CSMD1: variants seen among roughly 807,000 people sequenced by gnomAD.
CSMD1 encodes CUB and Sushi multiple domains 1.
A neutral mutation model predicts 417.5 loss-of-function variants in CSMD1; 213 were observed. The ratio of observed to expected loss-of-function variants is 0.51; its 90% CI spans 0.46 to 0.57. The LOEUF is 0.57. CSMD1 is among the 20% of genes least tolerant of loss of function. The pLI, the probability that CSMD1 is intolerant of heterozygous loss-of-function variation, is 0.00. For missense variants in CSMD1, 6,923 were observed against 4,529.7 expected (o/e 1.53, Z -15.17); for synonymous variants, 2,862 against 1,736.8 (o/e 1.65, Z -16.11).
At chr8:3,707,763 A>G (rs1801254493) in intron 7 of CSMD1, among the ~76,000 whole-genome samples, 3 of 152,182 alleles carry the variant, frequency 2.0e-5, no homozygotes, top group African/African-American at 7.2e-5. Flanking sequence ...TCTGGCAGAG[A>G]AGCACCATGA....
rs372509834 is a variant in CSMD1, at chr8:3,998,037, G to A, written c.684C>T (p.Tyr228=). ...TCCAGGTGCAGTCCGCGTTGTTCTC[G>A]TACTCTGAAGGGAAGTGCGGGCTGG... ...SISSPHFPSE[Y]ENNADCTWTI... is the part of the protein sequence containing the mutation. Residue 228 remains tyrosine (Y), a synonymous_variant, in exon 5 of 70, where the codon TAC becomes TAT. Transcript: ENST00000635120. The A allele has an allele frequency of 5.2e-4, 837 of 1,602,848 alleles. 1 individual carries two copies. Among genetic ancestry groups the A allele is most frequent in the Non-Finnish European group, 6.9e-4 (805 of 1,174,282 alleles).
chr8:4,543,152 G>T (rs1435476825), intron 2 of CSMD1, among the ~76,000 whole-genome samples: 1 of 152,100 alleles, frequency 6.6e-6, no homozygotes, highest in Non-Finnish European at 1.5e-5. Flanking sequence ...ATACATTATT[G>T]ATTCAAGTCC....
intron 26 of CSMD1, among the ~76,000 whole-genome samples, chr8:3,280,396 T>C (rs1053044534): frequency 2.6e-5 from 4 of 152,210 alleles, no homozygotes; most frequent in Non-Finnish European, 2.9e-5. Context: ...TCCAGAGTTG[T>C]AGTCTAGACT....
intron 3 of CSMD1, among the ~76,000 whole-genome samples, chr8:4,372,482 AAAC>A (rs1554449727): frequency 6.9e-6 from 1 of 145,908 alleles, no homozygotes; most frequent in Non-Finnish European, 1.5e-5. Flanking sequence ...GTGTCACTTA[AAAC>A]AACAACAACA....
chr8:4,546,562 C>T (rs148822160), intron 2 of CSMD1, among the ~76,000 whole-genome samples: 257 of 152,270 alleles, frequency 1.7e-3, no homozygotes, highest in African/African-American at 5.7e-3. Flanking sequence ...AGTACATCAG[C>T]ACTTCTGGTT....
At chr8:4,457,275 C>A (rs1464899837) in intron 2 of CSMD1, among the ~76,000 whole-genome samples, 1 of 152,112 alleles carries the variant, frequency 6.6e-6, no homozygotes, top group Non-Finnish European at 1.5e-5. Flanking sequence ...ATCTTACTTA[C>A]ATATATCATT....
chr8:3,334,664 G>A (rs1004220445), intron 23 of CSMD1, among the ~76,000 whole-genome samples: 1 of 152,178 alleles, frequency 6.6e-6, no homozygotes, highest in African/African-American at 2.4e-5. Context: ...TTTACTTATT[G>A]TGGCAAAAAC....
intron 1 of CSMD1, among the ~76,000 whole-genome samples, chr8:4,944,174 T>A (rs931158567): frequency 6.6e-6 from 1 of 152,074 alleles, no homozygotes; most frequent in Non-Finnish European, 1.5e-5. Context: ...AGAGAAAAAA[T>A]CCACGAACTT....
At chr8:2,965,093 T>C (rs1357954179) in intron 59 of CSMD1, among the ~76,000 whole-genome samples, 1 of 152,202 alleles carries the variant, frequency 6.6e-6, no homozygotes, top group Non-Finnish European at 1.5e-5. Context: ...AGTTCTTCTT[T>C]GCTTCTGGTA....
At chr8:4,121,780 T>C (rs1417045689) in intron 3 of CSMD1, among the ~76,000 whole-genome samples, 2 of 152,052 alleles carry the variant, frequency 1.3e-5, no homozygotes, top group African/African-American at 2.4e-5. Context: ...AAGGTAATAT[T>C]ACAGTACATC....
At chr8:4,878,060 T>A (rs1803159406) in intron 1 of CSMD1, among the ~76,000 whole-genome samples, 1 of 152,086 alleles carries the variant, frequency 6.6e-6, no homozygotes, top group South Asian at 2.1e-4. Context: ...AGCTTAAGAA[T>A]CTCTGTAAAA....
chr8:4,308,759 G>T (rs192262180), intron 3 of CSMD1, among the ~76,000 whole-genome samples: 1 of 152,136 alleles, frequency 6.6e-6, no homozygotes, highest in South Asian at 2.1e-4. Context: ...CTGTTTGAGC[G>T]TGATGACTAA....
intron 11 of CSMD1, among the ~76,000 whole-genome samples, chr8:3,481,154 CAAAAAAAAAAAA>C (rs1221192557): frequency 1.4e-5 from 1 of 69,444 alleles, no homozygotes; most frequent in African/African-American, 5.2e-5. Context: ...GACTCCATCT[CAAAAAAAAAAAA>C]AAAAAAAAAA....
intron 1 of CSMD1, among the ~76,000 whole-genome samples, chr8:4,864,800 T>C (rs1248968764): frequency 2.6e-5 from 4 of 151,388 alleles, no homozygotes; most frequent in African/African-American, 9.7e-5. Flanking sequence ...ATAATTTTTG[T>C]ATTCTCTGTA....
At chr8:4,805,878 G>T (rs986018274) in intron 1 of CSMD1, among the ~76,000 whole-genome samples, 2 of 152,112 alleles carry the variant, frequency 1.3e-5, no homozygotes, top group African/African-American at 2.4e-5. Context: ...AAATTATTGT[G>T]AACGTAACCA....
At chr8:3,549,274 G>A (rs901008855) in intron 10 of CSMD1, among the ~76,000 whole-genome samples, 2 of 152,218 alleles carry the variant, frequency 1.3e-5, no homozygotes, top group African/African-American at 2.4e-5. Context: ...GTGTGCCAGT[G>A]ACTGTGTGTC....
chr8:4,043,089 A>G (rs77795757), intron 3 of CSMD1, among the ~76,000 whole-genome samples: 24,910 of 151,996 alleles, frequency 0.16, 2,635 homozygotes, highest in South Asian at 0.26. Flanking sequence ...CGGAAATTGC[A>G]CCACTGCACT....
At chr8:4,135,501 C>G (rs998140253) in intron 3 of CSMD1, among the ~76,000 whole-genome samples, 1 of 151,758 alleles carries the variant, frequency 6.6e-6, no homozygotes, top group African/African-American at 2.4e-5. Context: ...CATATAAAAC[C>G]AAAGCTTTAG....
chr8:3,691,524 G>A (rs550392615), intron 7 of CSMD1, among the ~76,000 whole-genome samples: 102 of 152,260 alleles, frequency 6.7e-4, no homozygotes, highest in African/African-American at 2.4e-3. Flanking sequence ...CCTAGCCAAG[G>A]AGGAAGCTCA....
Sources: gnomAD v4.1 joint callset for allele counts (sites outside exome capture counted in the v4.1 genomes callset) on GRCh38, gnomAD v4.1.1 for gene constraint, MANE v1.5 for transcripts, NCBI Gene and HGNC (gene_info 2026-07-23, HGNC 2026-07-21) for gene names.